The following GFRA1 variants were observed in gnomAD, a reference collection of about 807,000 sequenced individuals.
The protein encoded by GFRA1 is GDNF family receptor alpha 1, also known as GDNF family receptor alpha-1.
Under a neutral mutation model 51.6 loss-of-function variants are expected in GFRA1, and 16 were observed. That is an observed-to-expected ratio of 0.31 (90% CI 0.21 to 0.47). The LOEUF is 0.47. GFRA1 is among the 20% of genes least tolerant of loss of function. The pLI, the probability that GFRA1 is intolerant of heterozygous loss-of-function variation, is 1.00. For synonymous variants in GFRA1, 270 were observed against 241.3 expected (o/e 1.12, Z -1.10); for missense variants, 530 against 594.3 (o/e 0.89, Z 1.13).
At chr10:116,273,759 A>G (rs1042162330), upstream of GFRA1, among the ~76,000 whole-genome samples, 10 of 151,988 alleles carry the variant, frequency 6.6e-5, no homozygotes, top group African/African-American at 2.4e-4. Flanking sequence ...TCTTAGGGCA[A>G]TCGAGCCAGA....
intron 5 of GFRA1, among the ~76,000 whole-genome samples, chr10:116,196,604 TATAGTAC>T (rs1565643442): frequency 9.0e-5 from 4 of 44,440 alleles, no homozygotes; most frequent in African/African-American, 3.1e-4. Context: ...ATAATATATA[TATAGTAC>T]TATATATAAT....
Position 116,272,334 on chromosome 10 carries a change from G to C in GFRA1, c.-246-59C>G. ...GAGAGCGCCGGAGACTCCCCCCACA[G>C]AACCCTCTCCCCTCCCCCGTTCCCG... On this transcript the variant is annotated intron_variant, in intron 1 of 10. Transcript: ENST00000355422. The surrounding 1 kb of genome is among the most constrained non-coding windows in gnomAD (Gnocchi z 4.4). 1 of 512,958 alleles carries C rather than the reference G, an allele frequency of 1.9e-6. No homozygotes were observed. The highest frequency in any genetic ancestry group is 3.2e-5 in the Admixed American group (1 of 31,046). The allele number at this position is 512,958 out of a possible 1,614,324, so 31.8% of individuals were successfully genotyped here.
intron 4 of GFRA1, among the ~76,000 whole-genome samples, chr10:116,241,357 C>T (rs187809616): frequency 2.6e-5 from 4 of 151,918 alleles, no homozygotes; most frequent in East Asian, 1.9e-4. Flanking sequence ...TTTGGAGAAC[C>T]GAATCTGTCA....
At position 116,126,238 on chromosome 10, in the gene GFRA1, C is replaced by T. The variant is rs572624818; in HGVS notation, c.434-681G>A. On this transcript the variant is annotated intron_variant, in intron 5 of 10. Coordinates refer to ENST00000355422, the MANE Select transcript of GFRA1 (RefSeq NM_005264.8). ...CGTGGGCTCTATGAGTACTGAGGTT[C>T]TAGATTAGAAAAATTCAGCTTGTAT... is the stretch of plus-strand genomic sequence containing the variant. 2.0e-5 allele frequency among the ~76,000 whole-genome samples: 3 copies of T among 152,358 alleles called. 1 individual carries two copies. The South Asian group carries it at 6.2e-4, about 32-fold the overall frequency.
At chr10:116,177,095 T>C (rs946546705) in intron 5 of GFRA1, among the ~76,000 whole-genome samples, 68 of 152,142 alleles carry the variant, frequency 4.5e-4, no homozygotes, top group African/African-American at 1.6e-3. Flanking sequence ...ACACAGAGGA[T>C]GGGGCAGAAA....
intron 8 of GFRA1, among the ~76,000 whole-genome samples, chr10:116,090,432 TAAAAAAAAAAA>T: frequency 8.3e-6 from 1 of 121,162 alleles, no homozygotes; most frequent in South Asian, 2.9e-4. Context: ...CCAGTTTCTT[TAAAAAAAAAAA>T]AAAAAAAAAA....
rs557374075 is a variant in GFRA1 at position 116,128,636 on chromosome 10, G to A, written c.434-3079C>T. Among the ~76,000 whole-genome samples, 5 of 148,848 alleles carry A rather than the reference G, an allele frequency of 3.4e-5. No individual in the cohort carries two copies. In the East Asian group the frequency reaches 1.0e-3, roughly 30 times the overall value. ...AGCTACTCGGGAGGCTGAGGCAGGA[G>A]AATGGCGTGAACCTGGGAGGCAGAG... On this transcript the variant is annotated intron_variant, in intron 5 of 10. Coordinates refer to ENST00000355422, the MANE Select transcript of GFRA1 (RefSeq NM_005264.8).
intron 5 of GFRA1, among the ~76,000 whole-genome samples, chr10:116,173,052 T>TAA (rs974094945): frequency 1.3e-5 from 2 of 152,246 alleles, no homozygotes; most frequent in African/African-American, 4.8e-5. Flanking sequence ...TCTCCTCTCA[T>TAA]AACACACGCA....
At chr10:116,225,045 C>T (rs951816248) in intron 4 of GFRA1, among the ~76,000 whole-genome samples, 1 of 152,044 alleles carries the variant, frequency 6.6e-6, no homozygotes, top group Non-Finnish European at 1.5e-5. Flanking sequence ...GGGGTCACAG[C>T]CTGGTGCCTC....
At chr10:116,169,379 G>A (rs886385615) in intron 5 of GFRA1, among the ~76,000 whole-genome samples, 5 of 152,240 alleles carry the variant, frequency 3.3e-5, no homozygotes, top group Non-Finnish European at 7.3e-5. Context: ...GGTCCCTGGC[G>A]AGGGCTCCAC....
chr10:116,205,797 C>G (rs925568292), intron 5 of GFRA1, among the ~76,000 whole-genome samples: 5 of 151,874 alleles, frequency 3.3e-5, no homozygotes, highest in African/African-American at 1.2e-4. Context: ...CACAATGAAT[C>G]TGTGACAAGG....
At position 116,096,721 on chromosome 10, in the gene GFRA1, T is replaced by C; in HGVS notation, c.814A>G (p.Arg272Gly). 1 of 1,613,126 alleles carries C rather than the reference T, an allele frequency of 6.2e-7. No individual in the cohort carries two copies. Among genetic ancestry groups the C allele is most frequent in the Non-Finnish European group, 8.5e-7 (1 of 1,179,298 alleles). ...DFFTNCQPES[R>G]SVSSCLKENY... ...TCCTTTAGACAGCTGCTGACAGACC[T>C]TGACTCTGGCTGGCAGTTGGTAAAA... Residue 272 changes from arginine (R) to glycine (G), a missense_variant, in exon 7 of 11, where the codon AGG becomes GGG. By Grantham distance (125) the Arg-to-Gly change is moderately radical. Transcript: ENST00000355422.
intron 9 of GFRA1, among the ~76,000 whole-genome samples, chr10:116,080,513 TAAAAG>T (rs1955804239): frequency 6.6e-6 from 1 of 152,180 alleles, no homozygotes; most frequent in South Asian, 2.1e-4. Flanking sequence ...ATTTAAAAAA[TAAAAG>T]AAGTTTCACG....
chr10:116,174,444 A>G (rs891615007), intron 5 of GFRA1, among the ~76,000 whole-genome samples: 4 of 152,114 alleles, frequency 2.6e-5, no homozygotes, highest in Middle Eastern at 3.4e-3. Context: ...GGGCAGTAAA[A>G]CTCTTGCTAA....
intron 9 of GFRA1, among the ~76,000 whole-genome samples, chr10:116,089,532 C>T (rs1956239305): frequency 6.6e-6 from 1 of 152,188 alleles, no homozygotes; most frequent in Non-Finnish European, 1.5e-5. Context: ...TCCCAGTAAA[C>T]GACAGAGTCA....
intron 5 of GFRA1, among the ~76,000 whole-genome samples, chr10:116,196,895 G>T (rs1963928280): frequency 7.1e-6 from 1 of 141,628 alleles, no homozygotes; most frequent in Non-Finnish European, 1.5e-5. Context: ...CAAAATTAAG[G>T]TGTCAGGAGG....
chr10:116,237,319 C>T (rs953148921), intron 4 of GFRA1, among the ~76,000 whole-genome samples: 2 of 152,102 alleles, frequency 1.3e-5, no homozygotes, highest in African/African-American at 4.8e-5. Context: ...TTTAACCACA[C>T]CTCTTGATGA....
At chr10:116,192,117 T>C (rs954310636) in intron 5 of GFRA1, among the ~76,000 whole-genome samples, 1 of 152,232 alleles carries the variant, frequency 6.6e-6, no homozygotes, top group African/African-American at 2.4e-5. Flanking sequence ...GTCTGTGACT[T>C]AAGAAGTAAT....
intron 6 of GFRA1, among the ~76,000 whole-genome samples, chr10:116,110,159 C>A (rs546906037): frequency 6.6e-6 from 1 of 152,206 alleles, no homozygotes; most frequent in Admixed American, 6.5e-5. Context: ...GAATCCTCAG[C>A]CTGGGAACCT....
Sources: allele counts gnomAD v4.1 joint callset (sites outside exome capture counted in the v4.1 genomes callset), GRCh38; gene constraint gnomAD v4.1.1; non-coding constraint Gnocchi (gnomAD v3.1); transcripts MANE v1.5; gene names NCBI Gene and HGNC (gene_info 2026-07-23, HGNC 2026-07-21).